The following NTM variants were observed in gnomAD, a reference collection of about 807,000 sequenced individuals.
NTM encodes the protein IgLON family member 2.
NTM carries 13 observed loss-of-function variants against 42.1 expected under a neutral mutation model. The ratio of observed to expected loss-of-function variants is 0.31; its 90% confidence interval spans 0.20 to 0.49. The LOEUF (loss-of-function observed/expected upper bound fraction) is 0.49. Ranked by LOEUF, NTM falls within the 20% of genes least tolerant of loss-of-function variation. The pLI is 0.99. For missense variants in NTM, 373 were observed against 452.8 expected (o/e 0.82, Z 1.60); for synonymous variants, 187 against 179.2 (o/e 1.04, Z -0.35).
chr11:131,832,283 C>T (rs888732754), intron 1 of NTM, among the ~76,000 whole-genome samples: 2 of 151,642 alleles, frequency 1.3e-5, no homozygotes, highest in Admixed American at 6.6e-5. Flanking sequence ...AACTCAATGT[C>T]AGAGTCTGAG....
At chr11:132,141,115 A>T (rs901279171) in intron 2 of NTM, 6 of 151,978 alleles carry the variant, frequency 3.9e-5, no homozygotes, top group African/African-American at 1.5e-4. Context: ...CTCTTTTTTC[A>T]ATAATCTATC....
intron 1 of NTM, among the ~76,000 whole-genome samples, chr11:131,802,750 A>T (rs1483530591): frequency 1.3e-5 from 2 of 152,242 alleles, no homozygotes; most frequent in Admixed American, 6.5e-5. Flanking sequence ...CCGTATGGCT[A>T]ACAAATAGTC....
intron 2 of NTM, among the ~76,000 whole-genome samples, chr11:132,093,615 C>A (rs1025503716): frequency 6.6e-6 from 1 of 152,038 alleles, no homozygotes; most frequent in African/African-American, 2.4e-5. Context: ...TGCATTGTAC[C>A]CTGAAATTCT....
chr11:131,461,274 A>G (rs1032490114), intron 1 of NTM, among the ~76,000 whole-genome samples: 3 of 152,216 alleles, frequency 2.0e-5, no homozygotes, highest in Non-Finnish European at 2.9e-5. Context: ...GCAAAGTAGA[A>G]TGTCTACTAC....
At chr11:132,109,079 C>T (rs11222934) in intron 2 of NTM, among the ~76,000 whole-genome samples, 58,707 of 152,032 alleles carry the variant, frequency 0.39, 11,629 homozygotes, top group Middle Eastern at 0.48. Flanking sequence ...GAATATGTGC[C>T]ACATTTTCTT....
intron 1 of NTM, among the ~76,000 whole-genome samples, chr11:131,844,767 T>TG (rs2044710632): frequency 6.6e-6 from 1 of 152,194 alleles, no homozygotes; most frequent in Non-Finnish European, 1.5e-5. Context: ...TTTGTTTTTG[T>TG]ACAGTTCACA....
chr11:131,833,992 G>A (rs934797434), intron 1 of NTM, among the ~76,000 whole-genome samples: 1 of 152,126 alleles, frequency 6.6e-6, no homozygotes, highest in African/African-American at 2.4e-5. Flanking sequence ...ACTCATCTAA[G>A]TTCTGGAAAG....
chr11:132,151,193 A>AAC (rs1343077302), intron 3 of NTM, among the ~76,000 whole-genome samples: 1 of 152,166 alleles, frequency 6.6e-6, no homozygotes, highest in Non-Finnish European at 1.5e-5. Context: ...AAGCCATACT[A>AAC]CTGTCTCCAT....
Position 132,195,312 on chromosome 11 carries a change from G to A in NTM, c.401-16710G>A, listed in dbSNP as rs377407264. Among the ~76,000 whole-genome samples the A allele has an allele frequency of 7.9e-5, 12 of 152,024 alleles. No homozygotes were observed. In the East Asian group the frequency reaches 1.5e-3, roughly 20 times the overall value. On this transcript the variant is annotated intron_variant, in intron 3 of 8. Transcript: ENST00000683400. ...AAATCAGAAAAGTCAAAAACAAATC[G>A]AAAAACATTTCATGCTCATGGATAA...
At chr11:131,985,599 C>G (rs977324758) in intron 2 of NTM, among the ~76,000 whole-genome samples, 1 of 152,140 alleles carries the variant, frequency 6.6e-6, no homozygotes, top group African/African-American at 2.4e-5. Flanking sequence ...CTTCCAAGAT[C>G]ACCACGAGTC....
Position 131,370,897 on chromosome 11 carries a change from T to C in NTM, c.82+9T>C, listed in dbSNP as rs765869003. On this transcript the variant is annotated intron_variant, in intron 1 of 8. Coordinates refer to ENST00000683400, the MANE Select transcript of NTM (RefSeq NM_001352005.2). ...TCTGTGTCTCTTCCAAGGTAAGAGC[T>C]TGCTATTGATTTGCCTTCGGTAGAC... The C allele has an allele frequency of 1.9e-6, 3 of 1,613,808 alleles. No individual in the cohort carries two copies. The highest frequency in any genetic ancestry group is 2.5e-6 in the Non-Finnish European group (3 of 1,179,896).
chr11:131,487,251 T>G (rs75651294), intron 1 of NTM, among the ~76,000 whole-genome samples: 1,754 of 152,348 alleles, frequency 0.012, 32 homozygotes, highest in African/African-American at 0.04. Context: ...TGATTCTTGC[T>G]GAACTCTGGA....
intron 1 of NTM, among the ~76,000 whole-genome samples, chr11:131,752,727 T>C (rs536253406): frequency 1.3e-5 from 2 of 152,218 alleles, no homozygotes; most frequent in East Asian, 3.9e-4. Flanking sequence ...TTACACCTTA[T>C]ACAAAAATTA....
intron 1 of NTM, among the ~76,000 whole-genome samples, chr11:131,598,554 T>TCCCCCCTC (rs959516903): frequency 6.6e-6 from 1 of 151,058 alleles, no homozygotes; most frequent in Non-Finnish European, 1.5e-5. Flanking sequence ...GGCGGAGAGC[T>TCCCCCCTC]CCCCCCTCCA....
rs571552743 is a variant in NTM, at chr11:131,828,910, A to T, written c.83-82654A>T. On this transcript the variant is annotated intron_variant, in intron 1 of 8. Transcript: ENST00000683400. ...TAAAAATGTTCCTTTTAGCCTTATG[A>T]CTACTTACCCTGTCATTACCATCTT... is the stretch of plus-strand genomic sequence containing the variant. Among the ~76,000 whole-genome samples, 3 of 152,110 alleles carry T rather than the reference A, an allele frequency of 2.0e-5. No individual in the cohort carries two copies. The South Asian group carries it at 6.2e-4, about 32-fold the overall frequency.
chr11:131,558,941 A>G (rs1247783988), intron 1 of NTM, among the ~76,000 whole-genome samples: 1 of 152,326 alleles, frequency 6.6e-6, no homozygotes, highest in South Asian at 2.1e-4. Flanking sequence ...GAAAGAAAGA[A>G]AACAAAGCTA....
intron 1 of NTM, among the ~76,000 whole-genome samples, chr11:131,721,389 A>C (rs1338605005): frequency 6.6e-6 from 1 of 152,142 alleles, no homozygotes; most frequent in African/African-American, 2.4e-5. Flanking sequence ...TCAGAGTCTC[A>C]GTTTTTTCAT....
chr11:131,507,944 C>T (rs187782156), intron 1 of NTM, among the ~76,000 whole-genome samples: 2,512 of 152,152 alleles, frequency 0.017, 76 homozygotes, highest in African/African-American at 0.056. Flanking sequence ...AGAAGAAAAC[C>T]TAGGCATTAC....
chr11:131,517,465 C>T (rs889851906), intron 1 of NTM, among the ~76,000 whole-genome samples: 8 of 152,168 alleles, frequency 5.3e-5, no homozygotes, highest in Non-Finnish European at 8.8e-5. Flanking sequence ...AAACAATAGG[C>T]AGGCTGGAAA....
Sources: gnomAD v4.1 joint callset for allele counts (sites outside exome capture counted in the v4.1 genomes callset) on GRCh38, gnomAD v4.1.1 for gene constraint, MANE v1.5 for transcripts, NCBI Gene and HGNC (gene_info 2026-07-23, HGNC 2026-07-21) for gene names.